The following MYRIP variants were observed in gnomAD, a reference collection of about 807,000 sequenced individuals.
MYRIP encodes rab effector MyRIP.
A neutral mutation model predicts 98.0 loss-of-function variants in MYRIP; 49 were observed. The ratio of observed to expected loss-of-function variants is 0.50; its 90% CI spans 0.40 to 0.63. MYRIP has a LOEUF of 0.63. Ranked by LOEUF, MYRIP falls within the 30% of genes least tolerant of loss-of-function variation. The pLI, the probability that MYRIP is intolerant of heterozygous loss-of-function variation, is 0.00. For synonymous variants in MYRIP, 404 were observed against 409.5 expected (o/e 0.99, Z 0.16); for missense variants, 1,004 against 1,058.2 (o/e 0.95, Z 0.71).
At chr3:40,053,706 C>T (rs1947833675) in intron 3 of MYRIP, among the ~76,000 whole-genome samples, 2 of 152,126 alleles carry the variant, frequency 1.3e-5, no homozygotes, top group Admixed American at 1.3e-4. Flanking sequence ...AGGAAAACAG[C>T]CTGAGCCTCT....
chr3:39,876,568 C>A (rs960679640), intron 1 of MYRIP, among the ~76,000 whole-genome samples: 1 of 151,788 alleles, frequency 6.6e-6, no homozygotes, highest in South Asian at 2.1e-4. Context: ...ATTTGCTTGT[C>A]TGTAAAGGAT....
chr3:40,151,434 C>T (rs936624191), intron 4 of MYRIP, among the ~76,000 whole-genome samples: 3 of 152,304 alleles, frequency 2.0e-5, no homozygotes, highest in South Asian at 2.1e-4. Flanking sequence ...AGTACTTCTA[C>T]AAATTGTGAT....
intron 13 of MYRIP, among the ~76,000 whole-genome samples, chr3:40,245,244 A>G (rs1953152809): frequency 6.6e-6 from 1 of 152,212 alleles, no homozygotes; most frequent in Non-Finnish European, 1.5e-5. Context: ...TTTCACAGAT[A>G]TTCCCGTAGC....
At chr3:40,049,613 A>G (rs1290315563) in intron 3 of MYRIP, among the ~76,000 whole-genome samples, 1 of 151,972 alleles carries the variant, frequency 6.6e-6, no homozygotes, top group Non-Finnish European at 1.5e-5. Flanking sequence ...TAATGGCCCT[A>G]TAATGGCCTC....
intron 8 of MYRIP, among the ~76,000 whole-genome samples, chr3:40,172,522 C>T (rs999833521): frequency 1.3e-5 from 2 of 152,152 alleles, no homozygotes; most frequent in Admixed American, 1.3e-4. Context: ...TGGCAGGTGA[C>T]TAAATGAGAC....
intron 2 of MYRIP, among the ~76,000 whole-genome samples, chr3:39,921,859 G>C (rs1039895763): frequency 7.5e-6 from 1 of 133,548 alleles, no homozygotes; most frequent in Non-Finnish European, 1.5e-5. Context: ...TCCAGCCTGG[G>C]CTACAGAGCA....
At chr3:40,164,415 G>A (rs1423304459) in intron 5 of MYRIP, among the ~76,000 whole-genome samples, 2 of 152,174 alleles carry the variant, frequency 1.3e-5, no homozygotes, top group Admixed American at 6.5e-5. Context: ...GGCAAGAGTT[G>A]GTGCTTCAGC....
intron 1 of MYRIP, among the ~76,000 whole-genome samples, chr3:39,828,710 A>G (rs922063001): frequency 2.6e-5 from 4 of 152,154 alleles, no homozygotes; most frequent in African/African-American, 4.8e-5. Context: ...GCTCCCACAT[A>G]TCAATGAGAA....
intron 2 of MYRIP, among the ~76,000 whole-genome samples, chr3:40,013,954 C>T (rs567946832): frequency 6.6e-6 from 1 of 152,294 alleles, no homozygotes; most frequent in South Asian, 2.1e-4. Context: ...TGTATTGGGT[C>T]CCAGTGCCAG....
chr3:40,096,233 C>T (rs930986623), intron 3 of MYRIP, among the ~76,000 whole-genome samples: 2 of 152,070 alleles, frequency 1.3e-5, no homozygotes, highest in Non-Finnish European at 2.9e-5. Flanking sequence ...CACAGAGTGC[C>T]TCAGGTGAGA....
intron 11 of MYRIP, among the ~76,000 whole-genome samples, chr3:40,231,022 A>G (rs915711881): frequency 1.3e-5 from 2 of 152,002 alleles, no homozygotes; most frequent in African/African-American, 2.4e-5. Context: ...ACAGGGTTTC[A>G]CTGTGTTGGC....
intron 1 of MYRIP, among the ~76,000 whole-genome samples, chr3:39,875,924 T>C (rs1354628682): frequency 6.6e-6 from 1 of 152,086 alleles, no homozygotes; most frequent in African/African-American, 2.4e-5. Flanking sequence ...TTGATCTGTC[T>C]AATGTTGACA....
Position 40,242,641 on chromosome 3 carries a change from A to G in MYRIP, c.2101-1805A>G, listed in dbSNP as rs563040920. Among the ~76,000 whole-genome samples, 6 of 152,310 alleles carry G rather than the reference A, an allele frequency of 3.9e-5. No homozygotes were observed. In the East Asian group the frequency reaches 9.6e-4, roughly 24 times the overall value. ...AGGTTCCAAGACCTTAGTTATGTCA[A>G]GTTATGTTTAACCACTGCCATGCTT... On this transcript the variant is annotated intron_variant, in intron 12 of 16. Transcript: ENST00000302541.
chr3:40,185,035 G>A (rs17076607), intron 9 of MYRIP, among the ~76,000 whole-genome samples: 10,508 of 152,246 alleles, frequency 0.069, 1,168 homozygotes, highest in African/African-American at 0.24. Flanking sequence ...TTAGCAGGAA[G>A]CAAATTATTC....
chr3:40,102,394 A>G (rs1948962503), intron 3 of MYRIP, among the ~76,000 whole-genome samples: 1 of 152,140 alleles, frequency 6.6e-6, no homozygotes, highest in Non-Finnish European at 1.5e-5. Context: ...CAGCATCAGG[A>G]TTTAGCTTCT....
At chr3:39,849,359 G>C (rs530965581) in intron 1 of MYRIP, among the ~76,000 whole-genome samples, 1 of 152,168 alleles carries the variant, frequency 6.6e-6, no homozygotes, top group Non-Finnish European at 1.5e-5. Context: ...ATTTATTTCC[G>C]AGTCTAATAC....
intron 2 of MYRIP, among the ~76,000 whole-genome samples, chr3:39,936,706 C>T (rs1944663692): frequency 6.6e-6 from 1 of 152,090 alleles, no homozygotes; most frequent in Non-Finnish European, 1.5e-5. Context: ...AAAGACTCCC[C>T]GACGTGGAGC....
At chr3:40,184,013 A>G (rs76085859) in intron 9 of MYRIP, among the ~76,000 whole-genome samples, 4,771 of 152,328 alleles carry the variant, frequency 0.031, 78 homozygotes, top group African/African-American at 0.054. Context: ...TATTAGTAGA[A>G]ACTGCAGTGC....
At chr3:39,845,852 C>CAA (rs3062461) in intron 1 of MYRIP, among the ~76,000 whole-genome samples, 1,555 of 96,880 alleles carry the variant, frequency 0.016, 30 homozygotes, top group South Asian at 0.051. Flanking sequence ...TTTCCCCTAC[C>CAA]AAAAAAAAAA....
Sources: allele counts gnomAD v4.1 joint callset (sites outside exome capture counted in the v4.1 genomes callset), GRCh38; gene constraint gnomAD v4.1.1; transcripts MANE v1.5; gene names NCBI Gene and HGNC (gene_info 2026-07-23, HGNC 2026-07-21).